Variants in MYPN observed in about 807,000 individuals in gnomAD.
The protein encoded by MYPN is sarcomeric protein myopalladin, 145 kDa (MYOP).
Under a neutral mutation model 129.4 loss-of-function variants are expected in MYPN, and 63 were observed. The observed-to-expected ratio is 0.49, with a 90% CI of 0.40 to 0.60. The LOEUF is 0.60. Among genes scored for constraint, MYPN ranks in the 20% least tolerant of loss-of-function variants. MYPN has a pLI of 0.00. For synonymous variants in MYPN, 629 were observed against 600.9 expected, an observed-to-expected ratio of 1.05 and a Z score of -0.68; for missense variants, 1,596 against 1,635.4, an observed-to-expected ratio of 0.98 and a Z score of 0.42.
intron 1 of MYPN, among the ~76,000 whole-genome samples, chr10:68,090,936 A>G (rs1007828489): frequency 2.6e-5 from 4 of 152,074 alleles, no homozygotes; most frequent in African/African-American, 9.7e-5. Flanking sequence ...TTTTTTCCCA[A>G]AATTCTTAGA....
At chr10:68,134,651 T>G (rs1343499589) in intron 2 of MYPN, among the ~76,000 whole-genome samples, 1 of 151,990 alleles carries the variant, frequency 6.6e-6, no homozygotes, top group Non-Finnish European at 1.5e-5. Flanking sequence ...AAAAATTAGC[T>G]GGGCATGTTG....
chr10:68,146,931 A>G (rs2042676184), intron 4 of MYPN, among the ~76,000 whole-genome samples: 1 of 152,184 alleles, frequency 6.6e-6, no homozygotes, highest in African/African-American at 2.4e-5. Flanking sequence ...GATGCTTTGG[A>G]TACACGGATT....
intron 2 of MYPN, among the ~76,000 whole-genome samples, chr10:68,141,450 C>G (rs1001912096): frequency 6.6e-6 from 1 of 151,818 alleles, no homozygotes; most frequent in African/African-American, 2.4e-5. Flanking sequence ...ATCTAAATTA[C>G]AGTAAAGATT....
At chr10:68,116,463 G>C (rs1420460506) in intron 1 of MYPN, among the ~76,000 whole-genome samples, 1 of 152,198 alleles carries the variant, frequency 6.6e-6, no homozygotes, top group Non-Finnish European at 1.5e-5. Flanking sequence ...TTTAGTGTTG[G>C]AGCTGGGATT....
chr10:68,128,461 CT>C (rs1384885484), intron 2 of MYPN, among the ~76,000 whole-genome samples: 1 of 152,118 alleles, frequency 6.6e-6, no homozygotes. Context: ...TATTTAGAGG[CT>C]TTTTCTTTCT....
At chr10:68,189,719 T>A (rs1025344393) in intron 13 of MYPN, among the ~76,000 whole-genome samples, 2 of 152,194 alleles carry the variant, frequency 1.3e-5, no homozygotes, top group African/African-American at 4.8e-5. Context: ...TATAGCAGAA[T>A]AATATTCCAT....
intron 8 of MYPN, among the ~76,000 whole-genome samples, chr10:68,163,573 G>C (rs1397735743): frequency 1.3e-5 from 2 of 152,098 alleles, no homozygotes; most frequent in Non-Finnish European, 2.9e-5. Context: ...AGCTTGCAGT[G>C]AGCCAAGATC....
intron 1 of MYPN, among the ~76,000 whole-genome samples, chr10:68,095,583 C>G (rs1239200579): frequency 1.3e-5 from 2 of 152,160 alleles, no homozygotes; most frequent in Non-Finnish European, 2.9e-5. Context: ...AGCTCTGTTA[C>G]AGAGTCTTAC....
intron 2 of MYPN, among the ~76,000 whole-genome samples, chr10:68,129,738 T>A (rs2042381099): frequency 6.6e-6 from 1 of 152,248 alleles, no homozygotes; most frequent in Non-Finnish European, 1.5e-5. Context: ...TTGATATTAT[T>A]GTTTGAGACC....
intron 8 of MYPN, among the ~76,000 whole-genome samples, chr10:68,164,492 C>T (rs1181907150): frequency 6.6e-6 from 1 of 152,236 alleles, no homozygotes; most frequent in Non-Finnish European, 1.5e-5. Flanking sequence ...CTCAATACTA[C>T]CTGCCATGCC....
intron 19 of MYPN, among the ~76,000 whole-genome samples, chr10:68,208,437 A>T (rs1037562359): frequency 1.3e-5 from 2 of 152,170 alleles, no homozygotes; most frequent in Non-Finnish European, 2.9e-5. Context: ...ACTGTGAAGG[A>T]AGCAGACACT....
upstream of MYPN, chr10:68,106,036 A>T: frequency 2.5e-6 from 1 of 403,544 alleles, no homozygotes; most frequent in Admixed American, 2.8e-5. Flanking sequence ...TCTGCAACGG[A>T]ACCCTGTAAA....
chr10:68,143,961 G>T (rs1564659774), intron 3 of MYPN, among the ~76,000 whole-genome samples: 1 of 152,096 alleles, frequency 6.6e-6, no homozygotes, highest in African/African-American at 2.4e-5. Flanking sequence ...CACCATGTTG[G>T]CCAGGCTGTT....
chr10:68,168,399 G>A (rs1272989183), intron 10 of MYPN, among the ~76,000 whole-genome samples: 1 of 152,098 alleles, frequency 6.6e-6, no homozygotes, highest in Admixed American at 6.6e-5. Context: ...TTTAGGGGCC[G>A]TTACATATGA....
chr10:68,136,601 C>A, intron 2 of MYPN: 2 of 1,506,784 alleles, frequency 1.3e-6, no homozygotes, highest in Non-Finnish European at 1.8e-6. Context: ...TTTTTTTAGG[C>A]CTGCTGAGGC....
intron 6 of MYPN, among the ~76,000 whole-genome samples, chr10:68,152,727 C>A (rs538255346): frequency 6.6e-6 from 1 of 152,142 alleles, no homozygotes; most frequent in Non-Finnish European, 1.5e-5. Flanking sequence ...CCTTGGCCCC[C>A]CCGGGTTTAA....
At chr10:68,166,763 T>G in intron 10 of MYPN, 97 bp downstream of exon 10, 1 of 1,503,708 alleles carries the variant, frequency 6.7e-7, no homozygotes. Flanking sequence ...GCACAGTTGC[T>G]CACACCTGTA....
At chr10:68,157,545 G>C (rs919063945) in intron 6 of MYPN, among the ~76,000 whole-genome samples, 1 of 151,418 alleles carries the variant, frequency 6.6e-6, no homozygotes, top group Non-Finnish European at 1.5e-5. Context: ...AAGAACAGAG[G>C]TACTGAGGCC....
chr10:68,094,024 C>T (rs527648189), intron 1 of MYPN, among the ~76,000 whole-genome samples: 136 of 152,004 alleles, frequency 8.9e-4, no homozygotes, highest in African/African-American at 3.2e-3. Context: ...TTTTAGCATG[C>T]GAATATACTA....
Sources: allele counts gnomAD v4.1 joint callset (sites outside exome capture counted in the v4.1 genomes callset), GRCh38; gene constraint gnomAD v4.1.1; transcripts MANE v1.5; gene names NCBI Gene and HGNC (gene_info 2026-07-23, HGNC 2026-07-21).